GNAQ: variants seen among roughly 807,000 people sequenced by gnomAD.
The protein encoded by GNAQ is guanine nucleotide-binding protein G(q) subunit alpha.
A neutral mutation model predicts 43.9 loss-of-function variants in GNAQ; 8 were observed. The ratio of observed to expected loss-of-function variants is 0.18; its 90% CI spans 0.11 to 0.33. The LOEUF is 0.33. Among genes scored for constraint, GNAQ ranks in the 10% least tolerant of loss-of-function variants. GNAQ has a pLI of 1.00. For missense variants in GNAQ, 158 were observed against 450.8 expected (o/e 0.35, Z 5.88); for synonymous variants, 155 against 170.7 (o/e 0.91, Z 0.71).
At chr9:77,772,652 G>C (rs1826244692) in intron 5 of GNAQ, among the ~76,000 whole-genome samples, 1 of 152,290 alleles carries the variant, frequency 6.6e-6, no homozygotes, top group South Asian at 2.1e-4. Flanking sequence ...CAAACTCCTG[G>C]TTCAAGGTAC....
Position 77,951,687 on chromosome 9 carries a change from GGA to G in GNAQ, c.137-29344_137-29343del, listed in dbSNP as rs146342484. Among the ~76,000 whole-genome samples the G allele has an allele frequency of 5.2e-3, 789 of 152,272 alleles. 9 individuals are homozygous for G. The highest frequency in any genetic ancestry group is 0.018 in the African/African-American group (751 of 41,558). ...ACCACAGAAGGGGTTACTTTAAGGA[GGA>G]GAGGCTGCATAGATGAGCTCCAAGG... On this transcript the variant is annotated intron_variant, in intron 1 of 6. Transcript: ENST00000286548.
intron 2 of GNAQ, among the ~76,000 whole-genome samples, chr9:77,844,978 A>G (rs541242015): frequency 5.9e-5 from 9 of 152,238 alleles, no homozygotes; most frequent in Non-Finnish European, 7.3e-5. Context: ...AAACAAAATT[A>G]GAAATCTTTT....
intron 2 of GNAQ, among the ~76,000 whole-genome samples, chr9:77,844,926 C>T (rs1827558168): frequency 1.3e-5 from 2 of 152,172 alleles, no homozygotes; most frequent in East Asian, 1.9e-4. Context: ...CTGCCTGCCT[C>T]GGCCTCCCAA....
chr9:77,943,607 T>C (rs1300804247), intron 1 of GNAQ, among the ~76,000 whole-genome samples: 3 of 150,852 alleles, frequency 2.0e-5, no homozygotes, highest in Non-Finnish European at 4.4e-5. Context: ...TGATTTCCTC[T>C]ACTACACAAA....
intron 1 of GNAQ, among the ~76,000 whole-genome samples, chr9:77,999,090 C>CT (rs1281033842): frequency 1.9e-4 from 10 of 51,370 alleles, no homozygotes; most frequent in African/African-American, 6.3e-4. Flanking sequence ...GAAACTCTGT[C>CT]TCAAAAAAAA....
intron 2 of GNAQ, among the ~76,000 whole-genome samples, chr9:77,857,202 C>T (rs1055782789): frequency 1.6e-4 from 24 of 152,164 alleles, no homozygotes; most frequent in African/African-American, 5.8e-4. Flanking sequence ...TCTTCATCAC[C>T]GTTGGTATTA....
chr9:78,016,241 C>T (rs1823836472), intron 1 of GNAQ, among the ~76,000 whole-genome samples: 1 of 152,196 alleles, frequency 6.6e-6, no homozygotes, highest in Non-Finnish European at 1.5e-5. Flanking sequence ...AACTGGACTT[C>T]ATCACCATTT....
chr9:77,936,736 G>C (rs1352376339), intron 1 of GNAQ, among the ~76,000 whole-genome samples: 3 of 152,142 alleles, frequency 2.0e-5, no homozygotes, highest in Non-Finnish European at 4.4e-5. Context: ...ACATGAGTTG[G>C]GGCAGGGCTT....
chr9:78,003,411 C>T (rs1427995643), intron 1 of GNAQ, among the ~76,000 whole-genome samples: 1 of 152,142 alleles, frequency 6.6e-6, no homozygotes, highest in African/African-American at 2.4e-5. Flanking sequence ...CTCTCTTGTA[C>T]CTGTTAGCAC....
chr9:77,778,801 G>C (rs1826344385), intron 5 of GNAQ, among the ~76,000 whole-genome samples: 1 of 151,912 alleles, frequency 6.6e-6, no homozygotes. Flanking sequence ...ATTAATTTCA[G>C]ACAAAGCAGG....
intron 3 of GNAQ, among the ~76,000 whole-genome samples, chr9:77,808,776 G>C (rs936693327): frequency 2.0e-5 from 3 of 152,084 alleles, no homozygotes; most frequent in Admixed American, 2.0e-4. Flanking sequence ...GTAGTGAGTA[G>C]CAGAGGGAAT....
chr9:77,929,934 G>A (rs1829125284), intron 1 of GNAQ, among the ~76,000 whole-genome samples: 1 of 151,978 alleles, frequency 6.6e-6, no homozygotes, highest in Admixed American at 6.5e-5. Flanking sequence ...CTTCAGAAAT[G>A]GTTAATAATG....
intron 5 of GNAQ, among the ~76,000 whole-genome samples, chr9:77,747,018 A>G (rs1825741000): frequency 6.6e-6 from 1 of 152,122 alleles, no homozygotes; most frequent in African/African-American, 2.4e-5. Context: ...TTAAAAAAAG[A>G]TATACTGGTT....
chr9:78,007,648 T>C (rs1823723845), intron 1 of GNAQ, among the ~76,000 whole-genome samples: 1 of 152,216 alleles, frequency 6.6e-6, no homozygotes, highest in South Asian at 2.1e-4. Flanking sequence ...AAGGGAATCT[T>C]GATCATTGAA....
chr9:77,966,922 C>T (rs546745913), intron 1 of GNAQ, among the ~76,000 whole-genome samples: 1 of 152,312 alleles, frequency 6.6e-6, no homozygotes, highest in South Asian at 2.1e-4. Flanking sequence ...CCACGGTCAA[C>T]ATCAATTCCT....
chr9:77,772,795 T>C (rs1031808903), intron 5 of GNAQ, among the ~76,000 whole-genome samples: 1 of 152,188 alleles, frequency 6.6e-6, no homozygotes, highest in Non-Finnish European at 1.5e-5. Context: ...AACAAATATA[T>C]GTTATAGATC....
chr9:77,947,619 T>TC (rs537476234), intron 1 of GNAQ, among the ~76,000 whole-genome samples: 20 of 152,080 alleles, frequency 1.3e-4, no homozygotes, highest in Admixed American at 2.6e-4. Flanking sequence ...CCCCTTTATT[T>TC]CCCCCACAAC....
chr9:77,980,440 A>G (rs1368554021), intron 1 of GNAQ, among the ~76,000 whole-genome samples: 1 of 152,152 alleles, frequency 6.6e-6, no homozygotes, highest in East Asian at 1.9e-4. Context: ...AAAATATACA[A>G]AATGAAGATC....
At chr9:77,909,811 T>C (rs1242522861) in intron 2 of GNAQ, among the ~76,000 whole-genome samples, 1 of 152,100 alleles carries the variant, frequency 6.6e-6, no homozygotes, top group Non-Finnish European at 1.5e-5. Context: ...AAAGTATACA[T>C]TTATACGGGA....
Sources: allele counts gnomAD v4.1 joint callset (sites outside exome capture counted in the v4.1 genomes callset), GRCh38; gene constraint gnomAD v4.1.1; transcripts MANE v1.5; gene names NCBI Gene and HGNC (gene_info 2026-07-23, HGNC 2026-07-21).